The following DNAI2 variants were observed in gnomAD, a reference collection of about 807,000 sequenced individuals.
The protein encoded by DNAI2 is dynein axonemal intermediate chain 2.
In DNAI2, 63 loss-of-function variants were observed where a neutral mutation model predicts 74.7. The ratio of observed to expected loss-of-function variants is 0.84; its 90% CI spans 0.69 to 1.04. The LOEUF (loss-of-function observed/expected upper bound fraction) is 1.04, where lower values mean the gene tolerates loss of function less well. DNAI2 is among the 50% of genes least tolerant of loss of function. DNAI2 has a pLI of 0.00. For missense variants in DNAI2, 688 were observed against 803.2 expected, an observed-to-expected ratio of 0.86 and a Z score of 1.73; for synonymous variants, 289 against 314.9, an observed-to-expected ratio of 0.92 and a Z score of 0.87.
chr17:74,304,578 G>A (rs577597669), intron 8 of DNAI2, among the ~76,000 whole-genome samples: 1 of 152,310 alleles, frequency 6.6e-6, no homozygotes, highest in East Asian at 1.9e-4. Context: ...ACCAGCCTTT[G>A]TGCATTCAGT....
intron 8 of DNAI2, 134 bp downstream of exon 8, chr17:74,301,302 T>A: frequency 7.5e-7 from 1 of 1,329,462 alleles, no homozygotes; most frequent in African/African-American, 1.4e-5. Context: ...ACTGCAGCCA[T>A]CCTAGACGTG....
chr17:74,314,111 T>C lies in DNAI2; in HGVS notation c.1723-10T>C. On this transcript the variant is annotated splice_polypyrimidine_tract_variant and intron_variant, in intron 12 of 13. Transcript: ENST00000311014. ...CAACACCAACACTTCTGTGCTGTCTTCCCCTGCAGCAGCAACCAAGTCCAG... is the reference window on the plus strand; with the variant it reads ...CAACACCAACACTTCTGTGCTGTCTCCCCCTGCAGCAGCAACCAAGTCCAG... The C allele has an allele frequency of 6.2e-7, 1 of 1,613,416 alleles. No individual in the cohort carries two copies. Among genetic ancestry groups the C allele is most frequent in the Non-Finnish European group, 8.5e-7 (1 of 1,179,646 alleles).
At chr17:74,312,847 G>T (rs1014540160) in intron 12 of DNAI2, among the ~76,000 whole-genome samples, 1 of 152,174 alleles carries the variant, frequency 6.6e-6, no homozygotes, top group Non-Finnish European at 1.5e-5. Context: ...TTGTACCAGC[G>T]GAGAGAGGAA....
chr17:74,278,645 C>A (rs186886333), intron 1 of DNAI2, among the ~76,000 whole-genome samples: 2 of 152,026 alleles, frequency 1.3e-5, no homozygotes, highest in Non-Finnish European at 2.9e-5. Flanking sequence ...GGCATGGTGG[C>A]GCATACCTGT....
chr17:74,314,448 C>G, intron 13 of DNAI2, 141 bp from the exon 14 acceptor site: 1 of 789,898 alleles, frequency 1.3e-6, no homozygotes, highest in South Asian at 1.7e-5. Flanking sequence ...CGGGGCTTGT[C>G]CCGGAGCTGG....
intron 1 of DNAI2, among the ~76,000 whole-genome samples, chr17:74,277,645 C>T (rs2051176749): frequency 6.6e-6 from 1 of 152,220 alleles, no homozygotes; most frequent in South Asian, 2.1e-4. Flanking sequence ...CAGGGGCCAG[C>T]GGCCAGGACC....
chr17:74,290,821 G>A (rs1027683002), intron 5 of DNAI2, among the ~76,000 whole-genome samples, 199 bp from the exon 6 acceptor site: 1 of 152,184 alleles, frequency 6.6e-6, no homozygotes, highest in Non-Finnish European at 1.5e-5. Flanking sequence ...AAAACCATCA[G>A]CAAAGCCCCT....
At chr17:74,284,962 G>C (rs944913691) in intron 2 of DNAI2, 78 bp from the exon 3 acceptor site, 1 of 1,597,752 alleles carries the variant, frequency 6.3e-7, no homozygotes, top group Non-Finnish European at 8.6e-7. Context: ...AGCCCCCGTG[G>C]GACCTGGCTT....
At chr17:74,314,513 T>C in intron 13 of DNAI2, 76 bp from the exon 14 acceptor site, 1 of 400,622 alleles carries the variant, frequency 2.5e-6, no homozygotes, top group Non-Finnish European at 4.7e-6. Context: ...GCCACCTTAG[T>C]CCTAGTCCTG....
At chr17:74,285,991 AG>A (rs2051707354) in intron 3 of DNAI2, among the ~76,000 whole-genome samples, 1 of 151,406 alleles carries the variant, frequency 6.6e-6, no homozygotes, top group South Asian at 2.1e-4. Flanking sequence ...AGAGAGAGAG[AG>A]AGAGATTAAT....
At chr17:74,279,214 G>A (rs1028449728) in intron 1 of DNAI2, among the ~76,000 whole-genome samples, 4 of 152,060 alleles carry the variant, frequency 2.6e-5, no homozygotes. Context: ...AAATTCTTGA[G>A]GGGATGGATA....
rs763011642 is a variant in DNAI2, at chr17:74,309,396, G to C, written c.1347+8G>C. ...CCCACCCTCAGCTTGAAGGTCACGC[G>C]CATGTCCCTCCTTGTGCATCCAGGT... On this transcript the variant is annotated splice_region_variant and intron_variant, in intron 10 of 13. Coordinates refer to ENST00000311014, the MANE Select transcript of DNAI2 (RefSeq NM_023036.6). 1 of 1,614,004 alleles carries C rather than the reference G, an allele frequency of 6.2e-7. No homozygotes were observed. Among genetic ancestry groups the C allele is most frequent in the African/African-American group, 1.3e-5 (1 of 74,920 alleles).
chr17:74,299,766 T>G lies in DNAI2; in HGVS notation c.773T>G (p.Ile258Ser), dbSNP rs560319154. Residue 258 changes from isoleucine to serine, a missense_variant, in exon 7 of 14, where the codon ATT becomes AGT. By Grantham distance (142) the Ile-to-Ser change is moderately radical (BLOSUM62 -2). Transcript: ENST00000311014. ...AGCCTGGTGGCGGAGCTATCCACCA[T>G]TGAGTCCAGCCACCGAGACCCTGTG... ...KGSLVAELST[I>S]ESSHRDPVYG... 6.2e-7 allele frequency: 1 copy of G among 1,608,114 alleles called. No homozygotes were observed. The highest frequency in any genetic ancestry group is 1.1e-5 in the South Asian group (1 of 90,742).
At chr17:74,278,735 C>G (rs1355995033) in intron 1 of DNAI2, among the ~76,000 whole-genome samples, 1 of 151,750 alleles carries the variant, frequency 6.6e-6, no homozygotes, top group Non-Finnish European at 1.5e-5. Flanking sequence ...AGATATGCCA[C>G]TCCACTCCAG....
intron 8 of DNAI2, 25 bp downstream of exon 8, chr17:74,301,193 C>T: frequency 6.2e-7 from 1 of 1,612,612 alleles, no homozygotes; most frequent in Non-Finnish European, 8.5e-7. Flanking sequence ...CTGTCCCTTC[C>T]CCGACTTGCA....
At chr17:74,303,638 G>T in intron 8 of DNAI2, among the ~76,000 whole-genome samples, 1 of 147,158 alleles carries the variant, frequency 6.8e-6, no homozygotes, top group African/African-American at 2.5e-5. Flanking sequence ...TCTTGCCCAG[G>T]CTGGAGTGCA....
chr17:74,299,434 A>C (rs534019253), intron 6 of DNAI2, among the ~76,000 whole-genome samples: 21 of 152,114 alleles, frequency 1.4e-4, no homozygotes, highest in African/African-American at 4.8e-4. Flanking sequence ...CCCTGCCACT[A>C]TGCCTGTCCT....
At chr17:74,295,495 TC>T (rs1311934294) in intron 6 of DNAI2, among the ~76,000 whole-genome samples, 13 of 152,320 alleles carry the variant, frequency 8.5e-5, no homozygotes, top group African/African-American at 1.9e-4. Flanking sequence ...TGATGTGACT[TC>T]CTTTAGTTCT....
At position 74,301,043 on chromosome 17, in the gene DNAI2, C is replaced by A. The variant is rs764044215; in HGVS notation, c.865-3C>A. ...GTCTCACTGTCGCCCCTCCTCCCACCAGGTCATGTGGTGGGACATCCGAAA... is the reference window on the plus strand; with the variant it reads ...GTCTCACTGTCGCCCCTCCTCCCACAAGGTCATGTGGTGGGACATCCGAAA... On this transcript the variant is annotated splice_polypyrimidine_tract_variant and splice_region_variant and intron_variant, in intron 7 of 13. Transcript: ENST00000311014. 1 of 1,613,906 alleles carries A rather than the reference C, an allele frequency of 6.2e-7. No homozygotes were observed. The highest frequency in any genetic ancestry group is 1.7e-5 in the Admixed American group (1 of 60,018).
Sources: gnomAD v4.1 joint callset for allele counts (sites outside exome capture counted in the v4.1 genomes callset) on GRCh38, gnomAD v4.1.1 for gene constraint, MANE v1.5 for transcripts, NCBI Gene and HGNC (gene_info 2026-07-23, HGNC 2026-07-21) for gene names.